Variants in RANBP2 observed in about 807,000 individuals in gnomAD.
RANBP2 encodes the protein E3 SUMO-protein ligase RanBP2.
In RANBP2, 57 loss-of-function variants were observed where a neutral mutation model predicts 303.6. The ratio of observed to expected loss-of-function variants is 0.19; its 90% CI spans 0.15 to 0.23. The LOEUF (loss-of-function observed/expected upper bound fraction) is 0.23, where lower values mean the gene tolerates loss of function less well. Among genes scored for constraint, RANBP2 ranks in the 10% least tolerant of loss-of-function variants. RANBP2 has a pLI of 1.00. For synonymous variants in RANBP2, 1,167 were observed against 1,301.5 expected, an observed-to-expected ratio of 0.90 and a Z score of 2.23; for missense variants, 3,138 against 3,780.8, an observed-to-expected ratio of 0.83 and a Z score of 4.46.
chr2:109,339,225 T>C, the RANBP2 span, among the ~76,000 whole-genome samples: 4 of 147,970 alleles, frequency 2.7e-5, no homozygotes, highest in Non-Finnish European at 1.5e-5. Context: ...AAAATCCACG[T>C]ATAAGTAGAC....
At chr2:108,944,810 G>C in the RANBP2 span, among the ~76,000 whole-genome samples, 3 of 152,318 alleles carry the variant, frequency 2.0e-5, no homozygotes, top group Admixed American at 6.5e-5. Context: ...GGCTGAGCCA[G>C]AGAGCTGACC....
the RANBP2 span, among the ~76,000 whole-genome samples, chr2:109,377,826 C>CT: frequency 6.6e-6 from 1 of 152,182 alleles, no homozygotes; most frequent in African/African-American, 2.4e-5. Context: ...CTCCTTGTCA[C>CT]TTTATCTTTT....
chr2:109,675,841 C>T, the RANBP2 span, among the ~76,000 whole-genome samples: 5 of 152,196 alleles, frequency 3.3e-5, no homozygotes, highest in Non-Finnish European at 7.3e-5. Flanking sequence ...CAGGCGGCCC[C>T]GGCCCTAAAG....
the RANBP2 span, among the ~76,000 whole-genome samples, chr2:109,710,643 G>T: frequency 6.6e-6 from 1 of 152,174 alleles, no homozygotes; most frequent in Non-Finnish European, 1.5e-5. Context: ...CAAGGTCCTA[G>T]GGGGCAGCCA....
At chr2:108,719,939 C>T (rs1167527869) in intron 1 of RANBP2, among the ~76,000 whole-genome samples, 2 of 151,408 alleles carry the variant, frequency 1.3e-5, no homozygotes, top group African/African-American at 4.8e-5. Flanking sequence ...CGACGGTGCT[C>T]GCTCCTGGGG....
At chr2:109,517,571 A>G in the RANBP2 span, among the ~76,000 whole-genome samples, 5 of 152,288 alleles carry the variant, frequency 3.3e-5, no homozygotes, top group African/African-American at 1.2e-4. Context: ...CTGACGTTGG[A>G]ATCCTGCCCA....
At chr2:109,604,389 A>AGGGGAGGGGAGGGGC in the RANBP2 span, among the ~76,000 whole-genome samples, 1 of 26,712 alleles carries the variant, frequency 3.7e-5, no homozygotes, top group African/African-American at 1.5e-4. Flanking sequence ...AGGGAAGGGG[A>AGGGGAGGGGAGGGGC]GGGGCGGGGC....
At chr2:109,631,420 T>C in the RANBP2 span, among the ~76,000 whole-genome samples, 1 of 152,240 alleles carries the variant, frequency 6.6e-6, no homozygotes, top group Non-Finnish European at 1.5e-5. Context: ...GTTAAGTATA[T>C]AGATATCAAT....
the RANBP2 span, among the ~76,000 whole-genome samples, chr2:108,979,685 G>A: frequency 7.9e-5 from 12 of 152,270 alleles, no homozygotes; most frequent in East Asian, 2.3e-3. Context: ...GGATGCAGAT[G>A]GCAGGAACTG....
the RANBP2 span, among the ~76,000 whole-genome samples, chr2:108,853,827 G>C: frequency 1.5e-5 from 2 of 134,838 alleles, no homozygotes; most frequent in Non-Finnish European, 3.1e-5. Flanking sequence ...CCAGCCAACT[G>C]TCTTCTATAT....
chr2:108,747,991 A>G (rs1395703652), intron 8 of RANBP2, among the ~76,000 whole-genome samples: 1 of 152,114 alleles, frequency 6.6e-6, no homozygotes, highest in Admixed American at 6.5e-5. Flanking sequence ...GGCAACTGCT[A>G]ATCTGTCTCT....
At chr2:109,335,434 G>A in the RANBP2 span, among the ~76,000 whole-genome samples, 5 of 152,114 alleles carry the variant, frequency 3.3e-5, no homozygotes, top group East Asian at 1.9e-4. Flanking sequence ...TCTTCCACAC[G>A]CCACCTCCTC....
chr2:108,756,664 G>A lies in RANBP2; in HGVS notation c.2466+1405G>A, dbSNP rs116030862. 4.4e-3 allele frequency among the ~76,000 whole-genome samples: 673 copies of A among 152,330 alleles called. 4 individuals are homozygous for A. Among genetic ancestry groups the A allele is most frequent in the African/African-American group, 0.015 (642 of 41,578 alleles). On this transcript the variant is annotated intron_variant, in intron 17 of 28. Coordinates refer to ENST00000283195, the MANE Select transcript of RANBP2 (RefSeq NM_006267.5). ...GCTCCCAACATTGTATTCTGTGGAAGTATCGTGGAGCACTAATCCATGAGC... is the reference window on the plus strand; with the variant it reads ...GCTCCCAACATTGTATTCTGTGGAAATATCGTGGAGCACTAATCCATGAGC...
chr2:108,808,612 G>C, the RANBP2 span, among the ~76,000 whole-genome samples: 34 of 152,118 alleles, frequency 2.2e-4, no homozygotes, highest in African/African-American at 8.0e-4. Flanking sequence ...GATGATTAGT[G>C]ATATTGAGCA....
At chr2:108,906,076 G>A in the RANBP2 span, among the ~76,000 whole-genome samples, 3 of 148,906 alleles carry the variant, frequency 2.0e-5, no homozygotes, top group South Asian at 2.1e-4. Context: ...GCTGTCTCCC[G>A]CCCCATGAGG....
chr2:108,781,547 G>A, intron 26 of RANBP2, 118 bp downstream of exon 26: 3 of 924,640 alleles, frequency 3.2e-6, no homozygotes, highest in Non-Finnish European at 5.0e-6. Flanking sequence ...TGTTTGAAAT[G>A]GAAGCTCTAT....
Position 108,764,275 on chromosome 2 carries a change from C to G in RANBP2, c.3736C>G (p.His1246Asp). The G allele has an allele frequency of 6.2e-7, 1 of 1,613,914 alleles. No homozygotes were observed. The highest frequency in any genetic ancestry group is 8.5e-7 in the Non-Finnish European group (1 of 1,179,972). ...REQVLKICAN[H>D]YISPDMKLTP... Reference sequence around the variant, plus strand: ...GCAAGTATTGAAAATCTGTGCAAATCATTACATCAGTCCAGATATGAAATT... The same window carrying G: ...GCAAGTATTGAAAATCTGTGCAAATGATTACATCAGTCCAGATATGAAATT... Residue 1246 changes from histidine to aspartate, a missense_variant, in exon 20 of 29, where the codon CAT becomes GAT. His to Asp is a moderately conservative substitution (Grantham distance 81). This residue lies in a region of RANBP2 where 72 missense variants were observed against 119.5 expected (regional missense o/e 0.60). Transcript: ENST00000283195.
chr2:109,497,951 G>C, the RANBP2 span, among the ~76,000 whole-genome samples: 1 of 152,218 alleles, frequency 6.6e-6, no homozygotes, highest in South Asian at 2.1e-4. Flanking sequence ...GTTTGGAAGA[G>C]GTGGAGGATG....
At chr2:109,575,256 C>T in the RANBP2 span, among the ~76,000 whole-genome samples, 33 of 152,176 alleles carry the variant, frequency 2.2e-4, no homozygotes, top group Non-Finnish European at 4.0e-4. Context: ...TTACTGGTAC[C>T]TGGCTTATTA....
Sources: gnomAD v4.1 joint callset for allele counts (sites outside exome capture counted in the v4.1 genomes callset) on GRCh38, gnomAD v4.1.1 for gene constraint, gnomAD v4.1.1 regional missense constraint, MANE v1.5 for transcripts, NCBI Gene and HGNC (gene_info 2026-07-23, HGNC 2026-07-21) for gene names.